The following DCUN1D1 variants were observed in gnomAD, a reference collection of about 807,000 sequenced individuals.
DCUN1D1 encodes DCN1-like protein 1.
A neutral mutation model predicts 39.0 loss-of-function variants in DCUN1D1; 3 were observed. That is an observed-to-expected ratio of 0.08 (90% CI 0.04 to 0.20). The LOEUF is 0.20. DCUN1D1 is among the 10% of genes least tolerant of loss of function. DCUN1D1 has a pLI of 1.00. For synonymous variants in DCUN1D1, 82 were observed against 96.3 expected (o/e 0.85, Z 0.87); for missense variants, 158 against 302.4 (o/e 0.52, Z 3.54).
upstream of DCUN1D1, chr3:182,980,684 CG>C (rs1728504693): frequency 1.7e-6 from 1 of 594,128 alleles, no homozygotes; most frequent in Admixed American, 6.4e-5. Flanking sequence ...GCGCCCCGCG[CG>C]GGGCTTCCCC....
intron 4 of DCUN1D1, among the ~76,000 whole-genome samples, chr3:182,958,256 TTAC>T (rs1727196497): frequency 6.6e-6 from 1 of 152,132 alleles, no homozygotes; most frequent in African/African-American, 2.4e-5. Context: ...GATTTGTCTC[TTAC>T]TACATTTTTC....
rs763203333 is a variant in DCUN1D1, at chr3:182,941,042, G to C, written c.*4052C>G. 2 of 151,998 alleles carry C rather than the reference G, an allele frequency of 1.3e-5. No individual in the cohort carries two copies. The highest frequency in any genetic ancestry group is 2.9e-5 in the Non-Finnish European group (2 of 67,974). The allele number at this position is 151,998 out of a possible 1,614,324, so 9.4% of individuals were successfully genotyped here. A position where few individuals can be genotyped will look rare whatever the true frequency, so the allele number is the denominator to read the frequency against. On this transcript the variant is annotated 3_prime_UTR_variant, in exon 7 of 7. Transcript: ENST00000292782. The stretch of plus-strand genomic sequence containing the variant: ...GGAAAATAAAAAAACACATTAATAG[G>C]AAACACTGAACCTAGTCAAATAAAT...
intron 1 of DCUN1D1, among the ~76,000 whole-genome samples, chr3:182,974,700 G>GTATTTATTAAGGGTACTCT (rs1230527990): frequency 6.6e-6 from 1 of 151,282 alleles, no homozygotes; most frequent in African/African-American, 2.4e-5. Context: ...TCTAATAAGG[G>GTATTTATTAAGGGTACTCT]AATGGGCTGT....
intron 4 of DCUN1D1, among the ~76,000 whole-genome samples, chr3:182,952,744 C>G (rs9809494): frequency 0.097 from 14,797 of 152,154 alleles, 2,357 homozygotes; most frequent in African/African-American, 0.33. Flanking sequence ...GAGAAAGGCT[C>G]CTTCCTTCCT....
chr3:182,965,826 T>G (rs1008548679), intron 1 of DCUN1D1, 73 bp from the exon 2 acceptor site: 5 of 927,932 alleles, frequency 5.4e-6, no homozygotes, highest in Non-Finnish European at 8.3e-6. Context: ...TATGGCTAAC[T>G]AAACATTCTT....
chr3:182,962,389 T>C (rs1264696606), intron 3 of DCUN1D1, among the ~76,000 whole-genome samples: 2 of 152,232 alleles, frequency 1.3e-5, no homozygotes, highest in African/African-American at 2.4e-5. Context: ...CAAGAGCCAA[T>C]GAAAGGCTGG....
chr3:182,946,516 C>T (rs1726409605), intron 6 of DCUN1D1, among the ~76,000 whole-genome samples: 1 of 131,498 alleles, frequency 7.6e-6, no homozygotes, highest in African/African-American at 2.7e-5. Context: ...GAGACTGCGC[C>T]ACTGCACTCC....
upstream of DCUN1D1, chr3:182,980,541 ACGGCGGCGG>A: frequency 2.5e-6 from 3 of 1,219,382 alleles, no homozygotes; most frequent in Non-Finnish European, 2.1e-6. Context: ...CAGCGAATGG[ACGGCGGCGG>A]CGGCGGCGGC....
At chr3:182,975,418 C>T (rs975344425) in intron 1 of DCUN1D1, among the ~76,000 whole-genome samples, 5 of 151,766 alleles carry the variant, frequency 3.3e-5, no homozygotes, top group South Asian at 2.1e-4. Context: ...CCTTGTGATC[C>T]GCCCGCCTCA....
chr3:182,949,799 G>T (rs1369745180), intron 4 of DCUN1D1, among the ~76,000 whole-genome samples: 1 of 152,130 alleles, frequency 6.6e-6, no homozygotes, highest in East Asian at 1.9e-4. Context: ...AAACCTGCAA[G>T]ACTGACCCTT....
At chr3:182,946,528 G>A (rs1245590962) in intron 6 of DCUN1D1, among the ~76,000 whole-genome samples, 1 of 126,102 alleles carries the variant, frequency 7.9e-6, no homozygotes, top group Non-Finnish European at 1.6e-5. Flanking sequence ...CTGCACTCCA[G>A]CCTGGGTGAC....
intron 1 of DCUN1D1, among the ~76,000 whole-genome samples, chr3:182,974,883 T>C (rs1168348007): frequency 1.3e-5 from 2 of 152,182 alleles, no homozygotes; most frequent in African/African-American, 2.4e-5. Context: ...AGTGATTTTT[T>C]TTCCTTCTGT....
intron 1 of DCUN1D1, among the ~76,000 whole-genome samples, chr3:182,978,633 C>A (rs935226573): frequency 2.0e-5 from 3 of 152,146 alleles, no homozygotes; most frequent in African/African-American, 7.2e-5. Context: ...CTTCGGTGAC[C>A]CAGGGTGCTG....
At chr3:182,973,002 A>G (rs867331397) in intron 1 of DCUN1D1, among the ~76,000 whole-genome samples, 24 of 151,896 alleles carry the variant, frequency 1.6e-4, no homozygotes, top group South Asian at 4.2e-4. Context: ...AGATCACACC[A>G]TTGCGCTCCA....
At position 182,979,434 on chromosome 3, in the gene DCUN1D1, AT is replaced by A. The variant is rs1728402981; in HGVS notation, c.3+1052del. Among the ~76,000 whole-genome samples the A allele has an allele frequency of 2.0e-5, 3 of 152,228 alleles. No individual in the cohort carries two copies. In the South Asian group the frequency reaches 6.2e-4, roughly 32 times the overall value. ...CCCACGAGCAAAGGACAACAATATC[AT>A]TTTTACTATTCATACAGTAACCTGC... On this transcript the variant is annotated intron_variant, in intron 1 of 6. Transcript: ENST00000292782.
chr3:182,965,193 C>CT (rs924869168), intron 2 of DCUN1D1, among the ~76,000 whole-genome samples: 6 of 152,068 alleles, frequency 3.9e-5, no homozygotes, highest in African/African-American at 1.4e-4. Flanking sequence ...TGCAGTTGAA[C>CT]TTTTTTAAAA....
chr3:182,946,256 G>GT (rs1553838269), intron 6 of DCUN1D1, among the ~76,000 whole-genome samples: 1 of 152,056 alleles, frequency 6.6e-6, no homozygotes, highest in Non-Finnish European at 1.5e-5. Flanking sequence ...GGCGGCTGAA[G>GT]TAAGTTTCAA....
chr3:182,959,765 T>C (rs1305103812), intron 4 of DCUN1D1, among the ~76,000 whole-genome samples: 4 of 152,188 alleles, frequency 2.6e-5, no homozygotes, highest in African/African-American at 9.7e-5. Flanking sequence ...ACTGAAATTT[T>C]ATCCCCACTG....
chr3:182,960,035 G>GC (rs1461455354), intron 4 of DCUN1D1, among the ~76,000 whole-genome samples: 5 of 152,124 alleles, frequency 3.3e-5, no homozygotes, highest in Non-Finnish European at 7.4e-5. Context: ...CCAGGGCCAT[G>GC]CCCCACTCCT....
Sources: allele counts gnomAD v4.1 joint callset (sites outside exome capture counted in the v4.1 genomes callset), GRCh38; gene constraint gnomAD v4.1.1; transcripts MANE v1.5; gene names NCBI Gene and HGNC (gene_info 2026-07-23, HGNC 2026-07-21).